NCOR1: variants seen among roughly 807,000 people sequenced by gnomAD.
NCOR1 encodes the protein protein phosphatase 1, regulatory subunit 109.
A neutral mutation model predicts 288.1 loss-of-function variants in NCOR1; 63 were observed. The observed-to-expected ratio is 0.22, with a 90% confidence interval of 0.18 to 0.27. The LOEUF (loss-of-function observed/expected upper bound fraction) is 0.27, where lower values mean the gene tolerates loss of function less well. Among genes scored for constraint, NCOR1 ranks in the 10% least tolerant of loss-of-function variants. The probability of loss-of-function intolerance (pLI) is 1.00; values close to 1 mark genes in which losing one functional copy is unlikely to be tolerated. For synonymous variants in NCOR1, 1,007 were observed against 1,065.9 expected (o/e 0.94, Z 1.08); for missense variants, 2,397 against 3,019.2 (o/e 0.79, Z 4.83).
chr17:16,166,730 C>CGGTT (rs1568434771), intron 4 of NCOR1, among the ~76,000 whole-genome samples: 1 of 151,550 alleles, frequency 6.6e-6, no homozygotes, highest in African/African-American at 2.4e-5. Flanking sequence ...CTTTATCAAC[C>CGGTT]TTTTTTTCTC....
At chr17:16,123,762 G>C (rs533215465) in intron 15 of NCOR1, among the ~76,000 whole-genome samples, 1 of 152,028 alleles carries the variant, frequency 6.6e-6, no homozygotes, top group South Asian at 2.1e-4. Context: ...AAGTAGCCTC[G>C]ACCTCTTCTT....
At chr17:16,081,382 TAA>T (rs67148328) in intron 23 of NCOR1, among the ~76,000 whole-genome samples, 1,736 of 139,410 alleles carry the variant, frequency 0.012, 18 homozygotes, top group African/African-American at 0.03. Context: ...AATATTTATT[TAA>T]AAAAAAAAAA....
At chr17:16,119,818 A>G (rs1317723183) in intron 16 of NCOR1, among the ~76,000 whole-genome samples, 1 of 152,114 alleles carries the variant, frequency 6.6e-6, no homozygotes, top group Admixed American at 6.5e-5. Flanking sequence ...TGTCAAAGGA[A>G]GAAGCAACCC....
intron 16 of NCOR1, among the ~76,000 whole-genome samples, chr17:16,120,685 T>C (rs1392537235): frequency 6.6e-6 from 1 of 152,078 alleles, no homozygotes; most frequent in African/African-American, 2.4e-5. Flanking sequence ...CAGTGCTATA[T>C]ACATTGGTTT....
At chr17:16,079,886 A>G in intron 26 of NCOR1, 78 bp downstream of exon 26, 1 of 1,289,596 alleles carries the variant, frequency 7.8e-7, no homozygotes, top group Middle Eastern at 2.2e-4. Flanking sequence ...TAAGCCACAA[A>G]ATAGCCAAAG....
At chr17:16,135,641 C>T (rs2076286750) in intron 14 of NCOR1, among the ~76,000 whole-genome samples, 1 of 152,216 alleles carries the variant, frequency 6.6e-6, no homozygotes, top group Non-Finnish European at 1.5e-5. Context: ...CCTTGGCTTA[C>T]TCAACCTCTA....
intron 4 of NCOR1, among the ~76,000 whole-genome samples, chr17:16,171,505 A>G (rs1599862565): frequency 6.6e-6 from 1 of 152,208 alleles, no homozygotes; most frequent in Admixed American, 6.5e-5. Context: ...CTCTGACCAC[A>G]TTTTATAGCC....
intron 44 of NCOR1, among the ~76,000 whole-genome samples, chr17:16,037,949 A>G (rs2056756551): frequency 6.6e-6 from 1 of 152,208 alleles, no homozygotes; most frequent in Non-Finnish European, 1.5e-5. Context: ...TTCCTATACA[A>G]CCAGTACAAT....
At chr17:16,079,939 T>A (rs2063140026) in intron 26 of NCOR1, 25 bp downstream of exon 26, 2 of 1,559,230 alleles carry the variant, frequency 1.3e-6, no homozygotes, top group Non-Finnish European at 1.8e-6. Flanking sequence ...TTCTGTTGAG[T>A]ATATCAGAGA....
intron 22 of NCOR1, among the ~76,000 whole-genome samples, chr17:16,088,141 TTA>T (rs2064548366): frequency 6.6e-6 from 1 of 152,176 alleles, no homozygotes; most frequent in African/African-American, 2.4e-5. Flanking sequence ...TTGTATCCAT[TTA>T]TCTTTCCAAG....
intron 5 of NCOR1, among the ~76,000 whole-genome samples, chr17:16,159,192 T>C (rs376794880): frequency 3.9e-5 from 6 of 151,976 alleles, no homozygotes; most frequent in African/African-American, 1.4e-4. Context: ...GGCAGGTGGA[T>C]CACCTGAGGT....
At chr17:16,094,551 G>GCTCCCCTCCCCTCTCCCCT (rs1387585477) in intron 21 of NCOR1, among the ~76,000 whole-genome samples, 1 of 151,698 alleles carries the variant, frequency 6.6e-6, no homozygotes, top group Non-Finnish European at 1.5e-5. Context: ...AGTGACTCCG[G>GCTCCCCTCCCCTCTCCCCT]CTCCCCTCCC....
intron 1 of NCOR1, among the ~76,000 whole-genome samples, chr17:16,199,216 A>AAACAC (rs1337668798): frequency 3.1e-4 from 38 of 122,312 alleles, no homozygotes; most frequent in African/African-American, 8.5e-4. Flanking sequence ...AAAAAAAAAA[A>AAACAC]ACACACACAC....
At chr17:16,134,401 A>G (rs866656018) in intron 14 of NCOR1, among the ~76,000 whole-genome samples, 1 of 152,242 alleles carries the variant, frequency 6.6e-6, no homozygotes, top group African/African-American at 2.4e-5. Context: ...GCCTACCAGA[A>G]GTGCTGACCA....
At position 16,208,751 on chromosome 17, in the gene NCOR1, G is replaced by A. The variant is rs146718267; in HGVS notation, c.-71+6611C>T. On this transcript the variant is annotated intron_variant, in intron 1 of 45. Coordinates refer to ENST00000268712, the MANE Select transcript of NCOR1 (RefSeq NM_006311.4). ...GTAGTCCCAGCTACTCAGAAGAACCGCGTGAGCCCAGGACTCGGAGGCTGC... is the reference window on the plus strand; with the variant it reads ...GTAGTCCCAGCTACTCAGAAGAACCACGTGAGCCCAGGACTCGGAGGCTGC... Among the ~76,000 whole-genome samples the A allele has an allele frequency of 1.4e-4, 22 of 151,810 alleles. No individual in the cohort carries two copies. The East Asian group carries it at 2.7e-3, about 19-fold the overall frequency.
At chr17:16,109,497 C>T (rs1598748306) in intron 18 of NCOR1, among the ~76,000 whole-genome samples, 1 of 151,994 alleles carries the variant, frequency 6.6e-6, no homozygotes, top group Non-Finnish European at 1.5e-5. Context: ...ATCACTGTTA[C>T]AAATTCTTCC....
chr17:16,116,388 T>C (rs981794727), intron 18 of NCOR1, among the ~76,000 whole-genome samples: 4 of 152,232 alleles, frequency 2.6e-5, no homozygotes, highest in African/African-American at 9.6e-5. Context: ...TTTGCTATTA[T>C]TACCACTGAT....
At chr17:16,037,523 G>C (rs1232616653) in intron 44 of NCOR1, among the ~76,000 whole-genome samples, 2 of 152,106 alleles carry the variant, frequency 1.3e-5, no homozygotes, top group African/African-American at 4.8e-5. Context: ...ATTAAAATGT[G>C]GTAATTAAGG....
chr17:16,198,291 G>A (rs1193105606), intron 1 of NCOR1: 1 of 145,846 alleles, frequency 6.9e-6, no homozygotes, highest in African/African-American at 2.6e-5. Flanking sequence ...CCAGGAGGCA[G>A]AGCTTGCAGT....
Sources: allele counts gnomAD v4.1 joint callset (sites outside exome capture counted in the v4.1 genomes callset), GRCh38; gene constraint gnomAD v4.1.1; transcripts MANE v1.5; gene names NCBI Gene and HGNC (gene_info 2026-07-23, HGNC 2026-07-21).